The following TICRR variants were observed in gnomAD, a reference collection of about 807,000 sequenced individuals.
TICRR encodes the protein treslin.
In TICRR, 132 loss-of-function variants were observed where a neutral mutation model predicts 178.1. That is an observed-to-expected ratio of 0.74 (90% confidence interval 0.64 to 0.86). The LOEUF (loss-of-function observed/expected upper bound fraction) is 0.86, where lower values mean the gene tolerates loss of function less well. TICRR is among the 40% of genes least tolerant of loss of function. TICRR has a pLI of 0.00. For missense variants in TICRR, 2,587 were observed against 2,334.3 expected (o/e 1.11, Z -2.23); for synonymous variants, 991 against 900.7 (o/e 1.10, Z -1.79).
intron 2 of TICRR, among the ~76,000 whole-genome samples, chr15:89,583,507 CTG>C (rs918757599): frequency 3.3e-5 from 5 of 152,058 alleles, no homozygotes; most frequent in Non-Finnish European, 5.9e-5. Flanking sequence ...GTACATAAAA[CTG>C]TTGTACATTA....
rs773547660 is a variant in TICRR, at chr15:89,627,134, T to C, written c.*48T>C. The C allele has an allele frequency of 5.6e-6, 9 of 1,607,282 alleles. No homozygotes were observed. Among genetic ancestry groups the C allele is most frequent in the Non-Finnish European group, 8.5e-7 (1 of 1,177,094 alleles). ...AAGATCAAGGAGTCAGCCAGGACCC[T>C]GTGGACATAAAGAAGTTGGATGCCT... On this transcript the variant is annotated 3_prime_UTR_variant, in exon 22 of 22. Coordinates refer to ENST00000268138, the MANE Select transcript of TICRR (RefSeq NM_152259.4).
At chr15:89,611,266 G>C (rs1963252468) in intron 15 of TICRR, among the ~76,000 whole-genome samples, 1 of 152,122 alleles carries the variant, frequency 6.6e-6, no homozygotes, top group Non-Finnish European at 1.5e-5. Flanking sequence ...GAAGGACATA[G>C]AATTTTTGGT....
At position 89,576,138 on chromosome 15, in the gene TICRR, C is replaced by G. The variant is rs1009236317; in HGVS notation, c.552C>G (p.Thr184=). 6.2e-7 allele frequency: 1 copy of G among 1,608,616 alleles called. No individual in the cohort carries two copies. The highest frequency in any genetic ancestry group is 8.5e-7 in the Non-Finnish European group (1 of 1,179,984). Reference sequence around the variant, plus strand: ...CCCAGGCCCAGCGCCTGCCGCCCACCCCTAAGCAGGTGATGGAGAAGTTGT... The same window carrying G: ...CCCAGGCCCAGCGCCTGCCGCCCACGCCTAAGCAGGTGATGGAGAAGTTGT... The part of the protein sequence containing the change: ...CEAQAQRLPP[T]PKQVMEKLLP... Residue 184 remains threonine, a synonymous_variant, in exon 1 of 22, where the codon ACC becomes ACG. Coordinates refer to ENST00000268138, the MANE Select transcript of TICRR (RefSeq NM_152259.4).
In TICRR at chr15:89,625,245, G is replaced by C; in HGVS notation, c.4935G>C (p.Gln1645His). 6.2e-7 allele frequency: 1 copy of C among 1,613,642 alleles called. No individual in the cohort carries two copies. The highest frequency in any genetic ancestry group is 1.1e-5 in the South Asian group (1 of 91,058). The change falls in exon 20 of 22, where the codon CAG becomes CAC. Residue 1645 changes from glutamine (Q) to histidine (H), a missense_variant. Gln to His is a conservative substitution (Grantham distance 24). Coordinates refer to ENST00000268138, the MANE Select transcript of TICRR (RefSeq NM_152259.4). ...GKSRGQTYIC[Q>H]ACTPTHGPSS... ...GCAGGGGGCAAACCTACATCTGCCA[G>C]GCCTGTACCCCCACCCACGGCCCTT...
chr15:89,612,803 T>G (rs1963274669), intron 15 of TICRR, among the ~76,000 whole-genome samples: 1 of 152,252 alleles, frequency 6.6e-6, no homozygotes, highest in African/African-American at 2.4e-5. Context: ...TAGTTCTCAT[T>G]GATACCAATT....
At chr15:89,580,443 A>G (rs892526603) in intron 1 of TICRR, among the ~76,000 whole-genome samples, 2 of 152,224 alleles carry the variant, frequency 1.3e-5, no homozygotes, top group Non-Finnish European at 2.9e-5. Context: ...AGAAAATCCT[A>G]ATCAGGATCT....
chr15:89,599,846 G>C (rs969882743), intron 8 of TICRR, among the ~76,000 whole-genome samples: 6 of 152,250 alleles, frequency 3.9e-5, no homozygotes, highest in African/African-American at 1.4e-4. Flanking sequence ...GGTGGCTCAC[G>C]CCTGTAATAC....
At chr15:89,618,995 G>A (rs914256105) in intron 17 of TICRR, among the ~76,000 whole-genome samples, 10 of 150,896 alleles carry the variant, frequency 6.6e-5, no homozygotes, top group Middle Eastern at 3.4e-3. Flanking sequence ...TGATGAAGGA[G>A]GGGTTTTAAA....
chr15:89,586,084 T>G, intron 4 of TICRR, 142 bp downstream of exon 4: 2 of 609,028 alleles, frequency 3.3e-6, no homozygotes, highest in South Asian at 4.5e-5. Flanking sequence ...TCAGGCAGTT[T>G]AAATCATTAT....
In TICRR at chr15:89,575,955, G is replaced by T; in HGVS notation, c.369G>T (p.Lys123Asn). The change falls in exon 1 of 22, where the codon AAG becomes AAT. Residue 123 changes from lysine (K) to asparagine (N), a missense_variant. Physicochemically the swap from Lys to Asn is moderately conservative, Grantham distance 94. Coordinates refer to ENST00000268138, the MANE Select transcript of TICRR (RefSeq NM_152259.4). ...WDRPEITSPT[K>N]PILRSSGRRL... ...GGCCCGAGATCACGTCGCCCACGAA[G>T]CCGATCCTGCGGAGCAGCGGGAGGA... 1 of 1,602,356 alleles carries T rather than the reference G, an allele frequency of 6.2e-7. No individual in the cohort carries two copies.
intron 7 of TICRR, among the ~76,000 whole-genome samples, chr15:89,598,269 G>A (rs556569014): frequency 3.9e-5 from 6 of 151,976 alleles, no homozygotes; most frequent in South Asian, 4.2e-4. Context: ...CACCACACCC[G>A]GCCCAGTTCC....
intron 2 of TICRR, among the ~76,000 whole-genome samples, chr15:89,583,279 C>T (rs1303478437): frequency 1.3e-5 from 2 of 152,174 alleles, no homozygotes; most frequent in African/African-American, 2.4e-5. Flanking sequence ...TTCATTGCCT[C>T]ATAGAGTAGA....
intron 2 of TICRR, among the ~76,000 whole-genome samples, chr15:89,583,895 C>G (rs550308806): frequency 1.1e-4 from 17 of 152,120 alleles, no homozygotes; most frequent in Non-Finnish European, 2.4e-4. Flanking sequence ...CCTTGATGCC[C>G]AGGCTGGTCT....
chr15:89,604,125 CTT>C (rs1385312056), intron 13 of TICRR, among the ~76,000 whole-genome samples: 17 of 152,104 alleles, frequency 1.1e-4, no homozygotes, highest in South Asian at 2.1e-4. Context: ...CACAATGAAA[CTT>C]TTCAACTGCA....
At chr15:89,592,237 T>A in intron 5 of TICRR, 61 bp downstream of exon 5, 2 of 1,498,026 alleles carry the variant, frequency 1.3e-6, no homozygotes, top group Non-Finnish European at 9.2e-7. Flanking sequence ...GTTATCTGCA[T>A]TTTTTTCTTA....
Position 89,594,510 on chromosome 15 carries a change from G to T in TICRR, c.1637G>T (p.Arg546Leu), listed in dbSNP as rs200319520. Residue 546 changes from arginine to leucine, a missense_variant, in exon 6 of 22, where the codon CGT becomes CTT. Physicochemically the swap from Arg to Leu is moderately radical, Grantham distance 102. Coordinates refer to ENST00000268138, the MANE Select transcript of TICRR (RefSeq NM_152259.4). ...GCCGAGCTCTACCAGAGAAAATCTC[G>T]TGAAGAATCCACTATAGCTCATCAA... The part of the protein sequence containing the change: ...CLAELYQRKS[R>L]EESTIAHQED... The T allele has an allele frequency of 6.2e-7, 1 of 1,613,152 alleles. No homozygotes were observed. The highest frequency in any genetic ancestry group is 8.5e-7 in the Non-Finnish European group (1 of 1,179,562).
chr15:89,581,497 T>G (rs1962724648), intron 1 of TICRR, among the ~76,000 whole-genome samples: 1 of 152,108 alleles, frequency 6.6e-6, no homozygotes, highest in African/African-American at 2.4e-5. Context: ...GAAAGCAGGA[T>G]TTGAGCCAGA....
intron 16 of TICRR, among the ~76,000 whole-genome samples, chr15:89,616,910 A>G (rs1444146889): frequency 1.3e-5 from 2 of 152,168 alleles, no homozygotes; most frequent in Admixed American, 6.5e-5. Context: ...TTATTGTCTG[A>G]AAGTTTTCTG....
Position 89,624,395 on chromosome 15 carries a change from C to T in TICRR, c.4085C>T (p.Pro1362Leu). ...SLSCPVPSTP[P>L]ELSQRATLDT... ...TCCTGCCCTGTTCCCTCAACTCCCC[C>T]TGAACTCTCACAGAGAGCTACATTG... is the stretch of plus-strand genomic sequence containing the variant. The change falls in exon 20 of 22, where the codon CCT becomes CTT. Residue 1362 changes from proline to leucine, a missense_variant. By Grantham distance (98) the Pro-to-Leu change is moderately conservative. Transcript: ENST00000268138. 6 of 1,614,218 alleles carry T rather than the reference C, an allele frequency of 3.7e-6. No homozygotes were observed. Among genetic ancestry groups the T allele is most frequent in the Non-Finnish European group, 5.1e-6 (6 of 1,180,040 alleles).
Sources: gnomAD v4.1 joint callset for allele counts (sites outside exome capture counted in the v4.1 genomes callset) on GRCh38, gnomAD v4.1.1 for gene constraint, MANE v1.5 for transcripts, NCBI Gene and HGNC (gene_info 2026-07-23, HGNC 2026-07-21) for gene names.